The following PAM variants were observed in gnomAD, a reference collection of about 807,000 sequenced individuals.
PAM encodes peptidylglycine alpha-amidating monooxygenase.
A neutral mutation model predicts 122.1 loss-of-function variants in PAM; 72 were observed. The ratio of observed to expected loss-of-function variants is 0.59; its 90% CI spans 0.49 to 0.72. PAM has a LOEUF of 0.72. PAM is among the 30% of genes least tolerant of loss of function. The pLI is 0.00. For missense variants in PAM, 1,106 were observed against 1,183.7 expected (o/e 0.93, Z 0.96); for synonymous variants, 389 against 404.4 (o/e 0.96, Z 0.46).
intron 7 of PAM, among the ~76,000 whole-genome samples, chr5:102,933,819 A>G (rs1752366300): frequency 6.6e-6 from 1 of 152,222 alleles, no homozygotes; most frequent in Non-Finnish European, 1.5e-5. Flanking sequence ...ATCAGTGGCA[A>G]GGTAACTGTG....
At chr5:103,021,603 G>C (rs970865158) in intron 23 of PAM, among the ~76,000 whole-genome samples, 1 of 152,260 alleles carries the variant, frequency 6.6e-6, no homozygotes, top group East Asian at 1.9e-4. Context: ...AGTTCAAACA[G>C]TAAATTTTAT....
At position 102,980,895 on chromosome 5, in the gene PAM, G is replaced by A. The variant is rs947267977; in HGVS notation, c.1483+6459G>A. Among the ~76,000 whole-genome samples the A allele has an allele frequency of 4.6e-5, 7 of 152,250 alleles. 1 individual carries two copies. Among genetic ancestry groups the A allele is most frequent in the Admixed American group, 4.6e-4 (7 of 15,290 alleles). ...GTAATATAATTTTTCCAAACATTCA[G>A]TACTAAGAGAACCAGGTTGCTCATG... is the stretch of plus-strand genomic sequence containing the variant. On this transcript the variant is annotated intron_variant, in intron 15 of 25. Coordinates refer to ENST00000438793, the MANE Select transcript of PAM (RefSeq NM_001177306.2).
At position 102,881,131 on chromosome 5, in the gene PAM, C is replaced by CACACACACACACACACACAT. The variant is rs936798860; in HGVS notation, c.210+13757_210+13758insTACACACACACACACACACA. On this transcript the variant is annotated intron_variant, in intron 3 of 25. Transcript: ENST00000438793. ...AATTAAAAAATAATTTTTATACATA[C>CACACACACACACACACACAT]ACACACACACACACACACACACACA... 7.1e-3 allele frequency among the ~76,000 whole-genome samples: 1,027 copies of CACACACACACACACACACAT among 143,742 alleles called. 10 individuals are homozygous for CACACACACACACACACACAT. The highest frequency in any genetic ancestry group is 0.026 in the African/African-American group (935 of 35,664). The allele number at this position is 143,742 out of a possible 152,430, so 94.3% of individuals were successfully genotyped here. A position where few individuals can be genotyped will look rare whatever the true frequency, so the allele number is the denominator to read the frequency against.
intron 1 of PAM, among the ~76,000 whole-genome samples, chr5:102,817,830 G>T (rs913901049): frequency 5.9e-5 from 9 of 151,668 alleles, no homozygotes; most frequent in African/African-American, 2.2e-4. Context: ...TAGAAAGCTG[G>T]TCCCTGTCTA....
chr5:102,871,377 C>T (rs886512940), intron 3 of PAM, among the ~76,000 whole-genome samples: 2 of 152,066 alleles, frequency 1.3e-5, no homozygotes, highest in Non-Finnish European at 2.9e-5. Context: ...AACCCTTAGG[C>T]TTTCAGCAAT....
At chr5:102,937,410 C>A (rs1753614595) in intron 7 of PAM, among the ~76,000 whole-genome samples, 1 of 152,152 alleles carries the variant, frequency 6.6e-6, no homozygotes. Flanking sequence ...TAACATTCAA[C>A]CTGCACGAAA....
intron 1 of PAM, among the ~76,000 whole-genome samples, chr5:102,809,368 A>G (rs437277): frequency 0.6 from 88,792 of 147,682 alleles, 27,253 homozygotes; most frequent in South Asian, 0.77. Flanking sequence ...AAAAAAAAAA[A>G]AAAGAAAACA....
chr5:102,891,813 T>C (rs1489416406), intron 3 of PAM, among the ~76,000 whole-genome samples: 2 of 151,854 alleles, frequency 1.3e-5, no homozygotes, highest in Non-Finnish European at 2.9e-5. Flanking sequence ...GACAAGGATT[T>C]CAAAAATTCT....
At chr5:102,910,723 C>T (rs566471121) in intron 4 of PAM, among the ~76,000 whole-genome samples, 13 of 151,864 alleles carry the variant, frequency 8.6e-5, no homozygotes, top group Non-Finnish European at 1.6e-4. Flanking sequence ...CTGTCAGAAT[C>T]GCACACTGAA....
chr5:102,879,973 T>A (rs1790438130), intron 3 of PAM, among the ~76,000 whole-genome samples: 1 of 152,108 alleles, frequency 6.6e-6, no homozygotes, highest in Non-Finnish European at 1.5e-5. Context: ...TCAGAACATA[T>A]CCCCATTGTT....
chr5:102,939,088 A>G (rs1754226363), intron 7 of PAM, among the ~76,000 whole-genome samples: 1 of 152,176 alleles, frequency 6.6e-6, no homozygotes, highest in African/African-American at 2.4e-5. Flanking sequence ...TGACCTAAAA[A>G]AGCATTTGAT....
At chr5:102,993,896 C>A (rs1414674068) in intron 16 of PAM, among the ~76,000 whole-genome samples, 1 of 152,090 alleles carries the variant, frequency 6.6e-6, no homozygotes, top group African/African-American at 2.4e-5. Flanking sequence ...TGTCTCATTG[C>A]ACGTTAAACC....
intron 7 of PAM, among the ~76,000 whole-genome samples, chr5:102,932,169 A>G (rs1258426236): frequency 6.6e-6 from 1 of 152,192 alleles, no homozygotes; most frequent in African/African-American, 2.4e-5. Context: ...CTATAATGTT[A>G]AAACATCTTG....
chr5:102,779,967 G>A (rs1394872277), intron 1 of PAM, among the ~76,000 whole-genome samples: 4 of 138,904 alleles, frequency 2.9e-5, no homozygotes, highest in Non-Finnish European at 6.1e-5. Context: ...GACCCTCCAG[G>A]GAATCCTAAT....
At position 102,984,196 on chromosome 5, in the gene PAM, A is replaced by G. The variant is rs139305789; in HGVS notation, c.1484-6076A>G. Among the ~76,000 whole-genome samples the G allele has an allele frequency of 5.5e-3, 833 of 152,314 alleles. 7 individuals carry two copies. Among genetic ancestry groups the G allele is most frequent in the African/African-American group, 0.018 (763 of 41,568 alleles). On this transcript the variant is annotated intron_variant, in intron 15 of 25. Coordinates refer to ENST00000438793, the MANE Select transcript of PAM (RefSeq NM_001177306.2). ...AAAGGAAAAAAAGGCTATACAAAAC[A>G]ACCAGAAAACAATTAACAAAATGAC...
rs1230033449 is a variant in PAM at position 103,028,334 on chromosome 5, T to C, written c.2743+96T>C. 3 of 902,324 alleles carry C rather than the reference T, an allele frequency of 3.3e-6. No homozygotes were observed. The African/African-American group carries it at 5.0e-5, about 15-fold the overall frequency. 55.9% of individuals were successfully genotyped at this position (902,324 alleles called of 1,614,324 possible). On this transcript the variant is annotated intron_variant, in intron 25 of 25. Transcript: ENST00000438793. ...AAGGAGATATTTCATATTTTGTCTC[T>C]GAAGATAAAGCACCTTGTATGCAGC...
At chr5:102,877,368 A>C (rs941137036) in intron 3 of PAM, among the ~76,000 whole-genome samples, 2 of 152,230 alleles carry the variant, frequency 1.3e-5, no homozygotes, top group Non-Finnish European at 2.9e-5. Context: ...TCAACCTGGG[A>C]ATAAAGAGAG....
At chr5:102,987,144 C>A (rs912490023) in intron 15 of PAM, among the ~76,000 whole-genome samples, 1 of 152,044 alleles carries the variant, frequency 6.6e-6, no homozygotes, top group African/African-American at 2.4e-5. Flanking sequence ...ATGGAATCAA[C>A]CTAAGAATAT....
intron 12 of PAM, 50 bp from the exon 13 acceptor site, chr5:102,959,825 A>G (rs748077225): frequency 8.0e-7 from 1 of 1,251,420 alleles, no homozygotes; most frequent in Non-Finnish European, 1.2e-6. Flanking sequence ...TGCATTAAGC[A>G]TGTGTTTTAT....
Sources: allele counts gnomAD v4.1 joint callset (sites outside exome capture counted in the v4.1 genomes callset), GRCh38; gene constraint gnomAD v4.1.1; transcripts MANE v1.5; gene names NCBI Gene and HGNC (gene_info 2026-07-23, HGNC 2026-07-21).